KHDRBS2: variants seen among roughly 807,000 people sequenced by gnomAD.
KHDRBS2 encodes the protein KH RNA binding domain containing, signal transduction associated 2.
Under a neutral mutation model 44.3 loss-of-function variants are expected in KHDRBS2, and 26 were observed. The observed-to-expected ratio is 0.59, with a 90% CI of 0.43 to 0.81. The LOEUF is 0.81. KHDRBS2 is among the 40% of genes least tolerant of loss of function. KHDRBS2 has a pLI of 0.00. For synonymous variants in KHDRBS2, 194 were observed against 151.1 expected, an observed-to-expected ratio of 1.28 and a Z score of -2.08; for missense variants, 476 against 433.1, an observed-to-expected ratio of 1.10 and a Z score of -0.88.
the KHDRBS2 span, among the ~76,000 whole-genome samples, chr6:61,649,280 T>C: frequency 1.3e-5 from 2 of 152,172 alleles, no homozygotes; most frequent in Non-Finnish European, 2.9e-5. Context: ...ATTTAGCTAC[T>C]GCTAGCAGAT....
At chr6:61,759,893 A>G (rs780236166) in intron 6 of KHDRBS2, among the ~76,000 whole-genome samples, 14 of 152,232 alleles carry the variant, frequency 9.2e-5, no homozygotes, top group Non-Finnish European at 1.9e-4. Context: ...TTTGCCCAGA[A>G]CATGCTGTGT....
chr6:62,169,164 C>A (rs1562991836), intron 2 of KHDRBS2, among the ~76,000 whole-genome samples: 1 of 73,330 alleles, frequency 1.4e-5, no homozygotes, highest in Admixed American at 1.2e-4. Flanking sequence ...TATACGTACA[C>A]ATATATGTAT....
At chr6:61,773,974 G>C (rs995217770) in intron 6 of KHDRBS2, among the ~76,000 whole-genome samples, 3 of 152,044 alleles carry the variant, frequency 2.0e-5, no homozygotes, top group Admixed American at 2.0e-4. Flanking sequence ...CGTTATTTCT[G>C]AGGGCTCTGT....
At chr6:61,665,062 A>G in the KHDRBS2 span, among the ~76,000 whole-genome samples, 3 of 151,516 alleles carry the variant, frequency 2.0e-5, no homozygotes, top group Admixed American at 1.3e-4. Context: ...TGTCTAGTCT[A>G]TTTTTGATGT....
chr6:62,053,439 T>A (rs1789538119), intron 2 of KHDRBS2, among the ~76,000 whole-genome samples: 1 of 152,060 alleles, frequency 6.6e-6, no homozygotes, highest in Non-Finnish European at 1.5e-5. Context: ...TACATCATGA[T>A]TGAGTTTTAT....
chr6:61,769,937 A>G (rs1309869845), intron 6 of KHDRBS2, among the ~76,000 whole-genome samples: 3 of 152,166 alleles, frequency 2.0e-5, no homozygotes, highest in Non-Finnish European at 4.4e-5. Flanking sequence ...GGCACCCCCC[A>G]GTAGGGGTGG....
chr6:61,937,687 A>G lies in KHDRBS2; in HGVS notation c.484-36316T>C, dbSNP rs1199631295. Among the ~76,000 whole-genome samples, 3 of 152,092 alleles carry G rather than the reference A, an allele frequency of 2.0e-5. No homozygotes were observed. In the East Asian group the frequency reaches 5.8e-4, roughly 29 times the overall value. ...CGCCAGCAGGCTGAAGTTTTTCATT[A>G]GGACCTCCTTTATCCTATAATTAGA... On this transcript the variant is annotated intron_variant, in intron 4 of 8. Coordinates refer to ENST00000281156, the MANE Select transcript of KHDRBS2 (RefSeq NM_152688.4).
chr6:62,155,844 A>G (rs1015718385), intron 2 of KHDRBS2, among the ~76,000 whole-genome samples: 1 of 152,218 alleles, frequency 6.6e-6, no homozygotes, highest in African/African-American at 2.4e-5. Context: ...AAAATTAAAA[A>G]GTGAGTGTTT....
intron 1 of KHDRBS2, among the ~76,000 whole-genome samples, chr6:62,284,334 T>C (rs1236283545): frequency 1.3e-5 from 2 of 152,080 alleles, no homozygotes; most frequent in Non-Finnish European, 2.9e-5. Context: ...TAAAGACATA[T>C]TATAAGCTAC....
intron 6 of KHDRBS2, among the ~76,000 whole-genome samples, chr6:61,797,798 A>C (rs2127588181): frequency 6.6e-6 from 1 of 150,968 alleles, no homozygotes; most frequent in Admixed American, 6.6e-5. Flanking sequence ...TATATATTAT[A>C]TTGAATATAT....
chr6:61,910,936 G>C (rs1805941910), intron 4 of KHDRBS2, among the ~76,000 whole-genome samples: 1 of 152,104 alleles, frequency 6.6e-6, no homozygotes, highest in African/African-American at 2.4e-5. Context: ...TTCATTTAAA[G>C]TCAAAATAGG....
At chr6:62,281,380 G>A (rs1052101307) in intron 1 of KHDRBS2, among the ~76,000 whole-genome samples, 1 of 152,072 alleles carries the variant, frequency 6.6e-6, no homozygotes, top group Non-Finnish European at 1.5e-5. Flanking sequence ...CTAGCACTTT[G>A]GGAGGATGAG....
At chr6:61,559,810 T>A in the KHDRBS2 span, among the ~76,000 whole-genome samples, 1 of 152,234 alleles carries the variant, frequency 6.6e-6, no homozygotes, top group African/African-American at 2.4e-5. Flanking sequence ...GATTGGTTCA[T>A]CTTTTAGTCT....
At chr6:62,138,336 TGC>T (rs1584912872) in intron 2 of KHDRBS2, among the ~76,000 whole-genome samples, 1 of 152,342 alleles carries the variant, frequency 6.6e-6, no homozygotes, top group East Asian at 1.9e-4. Context: ...AATTTGAAGA[TGC>T]AGTGCCACTT....
At chr6:61,982,094 A>G (rs945821602) in intron 3 of KHDRBS2, among the ~76,000 whole-genome samples, 5 of 152,330 alleles carry the variant, frequency 3.3e-5, no homozygotes, top group Middle Eastern at 3.4e-3. Context: ...GGTAGTTACT[A>G]TTAATACCAA....
chr6:61,765,842 G>A lies in KHDRBS2; in HGVS notation c.811-33078C>T, dbSNP rs536738205. Reference sequence around the variant, plus strand: ...CATCTTTGCAATCCCACTGAGTCATGATGAATGATCTTTTTAGTATGTCTT... The same window carrying A: ...CATCTTTGCAATCCCACTGAGTCATAATGAATGATCTTTTTAGTATGTCTT... On this transcript the variant is annotated intron_variant, in intron 6 of 8. Transcript: ENST00000281156. 3.9e-5 allele frequency among the ~76,000 whole-genome samples: 6 copies of A among 152,194 alleles called. No individual in the cohort carries two copies. The South Asian group carries it at 1.2e-3, about 32-fold the overall frequency.
intron 5 of KHDRBS2, among the ~76,000 whole-genome samples, chr6:61,895,963 A>G (rs1270601602): frequency 6.6e-6 from 1 of 152,220 alleles, no homozygotes; most frequent in Non-Finnish European, 1.5e-5. Context: ...AATAGATTAC[A>G]GAGCTGATGA....
intron 2 of KHDRBS2, among the ~76,000 whole-genome samples, chr6:62,123,656 A>C (rs1808248421): frequency 6.6e-6 from 1 of 152,142 alleles, no homozygotes; most frequent in African/African-American, 2.4e-5. Flanking sequence ...CATTTGTTCA[A>C]AGTTGTGTTT....
In KHDRBS2 at chr6:61,964,893, T is replaced by C. The variant is rs546841725; in HGVS notation, c.483+13173A>G. Among the ~76,000 whole-genome samples the C allele has an allele frequency of 4.6e-5, 7 of 152,228 alleles. No homozygotes were observed. In the East Asian group the frequency reaches 1.2e-3, roughly 25 times the overall value. ...GGATAAAAGATACTTTAGTCAAATA[T>C]CTGTACATTTTGTTCTACACATGGG... On this transcript the variant is annotated intron_variant, in intron 4 of 8. Coordinates refer to ENST00000281156, the MANE Select transcript of KHDRBS2 (RefSeq NM_152688.4).
Sources: allele counts gnomAD v4.1 joint callset (sites outside exome capture counted in the v4.1 genomes callset), GRCh38; gene constraint gnomAD v4.1.1; transcripts MANE v1.5; gene names NCBI Gene and HGNC (gene_info 2026-07-23, HGNC 2026-07-21).